UST: variants seen among roughly 807,000 people sequenced by gnomAD.
UST encodes the protein uronyl 2-sulfotransferase.
UST carries 21 observed loss-of-function variants against 45.6 expected under a neutral mutation model. The observed-to-expected ratio is 0.46, with a 90% CI of 0.33 to 0.66. The LOEUF is 0.66. UST is among the 30% of genes least tolerant of loss of function. UST has a pLI of 0.02. For missense variants in UST, 463 were observed against 512.4 expected (o/e 0.90, Z 0.93); for synonymous variants, 215 against 200.6 (o/e 1.07, Z -0.61).
At chr6:148,994,662 TTTCAC>T (rs1781416887) in intron 5 of UST, among the ~76,000 whole-genome samples, 1 of 152,134 alleles carries the variant, frequency 6.6e-6, no homozygotes, top group African/African-American at 2.4e-5. Flanking sequence ...TAGTCAAGAG[TTTCAC>T]TGTGGTCTTT....
At chr6:148,977,885 G>A (rs573180536) in intron 5 of UST, among the ~76,000 whole-genome samples, 3 of 152,200 alleles carry the variant, frequency 2.0e-5, no homozygotes, top group African/African-American at 2.4e-5. Flanking sequence ...GAGGATTGAC[G>A]TCTGTATGTG....
At position 148,928,768 on chromosome 6, in the gene UST, C is replaced by T. The variant is rs79577258; in HGVS notation, c.292-12511C>T. On this transcript the variant is annotated intron_variant, in intron 2 of 7. Transcript: ENST00000367463. ...GTAGGCAGTTAAGACATAATTTCAT[C>T]TGAGAGCAATTTAAATGTCTTATTG... is the stretch of plus-strand genomic sequence containing the variant. Among the ~76,000 whole-genome samples the T allele has an allele frequency of 2.8e-3, 432 of 152,372 alleles. 1 individual carries two copies. Among genetic ancestry groups the T allele is most frequent in the African/African-American group, 0.01 (416 of 41,590 alleles).
intron 1 of UST, among the ~76,000 whole-genome samples, chr6:148,838,370 G>A (rs1485121555): frequency 6.6e-6 from 1 of 152,208 alleles, no homozygotes; most frequent in East Asian, 1.9e-4. Context: ...GTCCAGATCA[G>A]CTAGGAATGT....
At chr6:149,073,777 A>T in intron 7 of UST, 56 bp from the exon 8 acceptor site, 2 of 1,575,220 alleles carry the variant, frequency 1.3e-6, no homozygotes, top group South Asian at 2.3e-5. Flanking sequence ...CCTCGCCGGG[A>T]TCCCTTCTAA....
intron 1 of UST, among the ~76,000 whole-genome samples, chr6:148,753,459 C>T (rs921747353): frequency 6.6e-6 from 1 of 152,146 alleles, no homozygotes; most frequent in Non-Finnish European, 1.5e-5. Context: ...TAGCATGTGT[C>T]AGTACTTCAT....
chr6:148,756,405 C>T (rs902690463), intron 1 of UST, among the ~76,000 whole-genome samples: 3 of 152,182 alleles, frequency 2.0e-5, no homozygotes, highest in African/African-American at 7.2e-5. Flanking sequence ...GTCCTTATAG[C>T]AGCATGAGAA....
At chr6:149,072,506 A>G (rs1186392725) in intron 7 of UST, among the ~76,000 whole-genome samples, 1 of 152,014 alleles carries the variant, frequency 6.6e-6, no homozygotes, top group Non-Finnish European at 1.5e-5. Context: ...ATACAAAATT[A>G]GCCAGGCATG....
At chr6:148,939,545 A>G (rs1424654406) in intron 2 of UST, among the ~76,000 whole-genome samples, 1 of 152,208 alleles carries the variant, frequency 6.6e-6, no homozygotes, top group Non-Finnish European at 1.5e-5. Flanking sequence ...AGAAATAATA[A>G]TGACCCCAAA....
At chr6:148,968,593 A>T (rs1227542467) in intron 5 of UST, among the ~76,000 whole-genome samples, 1 of 152,228 alleles carries the variant, frequency 6.6e-6, no homozygotes, top group Non-Finnish European at 1.5e-5. Context: ...AGGGTAGGGA[A>T]ATACCTGGCA....
Position 148,747,578 on chromosome 6 carries a change from T to C in UST, c.148T>C (p.Phe50Leu). The change falls in exon 1 of 8, where the codon TTC (phenylalanine) becomes CTC (leucine). Residue 50 changes from phenylalanine to leucine, a missense_variant. Transcript: ENST00000367463. ...FLRFSLRDYGFCMATLLVFCL... is the reference protein window; with the variant it reads ...FLRFSLRDYGLCMATLLVFCL... ...GCGCTTCTCCCTCCGGGACTACGGC[T>C]TCTGCATGGCCACCCTGCTGGTCTT... 6.3e-7 allele frequency: 1 copy of C among 1,590,444 alleles called. No individual in the cohort carries two copies. The highest frequency in any genetic ancestry group is 8.5e-7 in the Non-Finnish European group (1 of 1,169,968).
In UST at chr6:149,073,909, C is replaced by T; in HGVS notation, c.1014C>T (p.Tyr338=). Reference sequence around the variant, plus strand: ...CTCCTGAGGCTGTGCAGATCCTCTACCAGCGGATGAGATACGAGTACGAGT... The same window carrying T: ...CTCCTGAGGCTGTGCAGATCCTCTATCAGCGGATGAGATACGAGTACGAGT... ...VPSPEAVQIL[Y]QRMRYEYEFY... is the part of the protein sequence containing the mutation. Residue 338 remains tyrosine (Y), a synonymous_variant, in exon 8 of 8, where the codon TAC becomes TAT. Coordinates refer to ENST00000367463, the MANE Select transcript of UST (RefSeq NM_005715.3). 6.2e-7 allele frequency: 1 copy of T among 1,614,126 alleles called. No homozygotes were observed. The highest frequency in any genetic ancestry group is 8.5e-7 in the Non-Finnish European group (1 of 1,180,008).
chr6:148,941,799 C>T (rs1426577191), intron 3 of UST, among the ~76,000 whole-genome samples: 2 of 152,154 alleles, frequency 1.3e-5, no homozygotes, highest in Non-Finnish European at 1.5e-5. Flanking sequence ...ATATTCTTCC[C>T]TCTTCATTTT....
intron 4 of UST, among the ~76,000 whole-genome samples, chr6:148,962,806 C>T (rs1780691294): frequency 6.6e-6 from 1 of 152,186 alleles, no homozygotes; most frequent in African/African-American, 2.4e-5. Context: ...TTGGATTCTT[C>T]TCTCTGAAGA....
intron 7 of UST, among the ~76,000 whole-genome samples, chr6:149,061,748 G>A (rs563228970): frequency 5.9e-5 from 9 of 152,308 alleles, no homozygotes; most frequent in East Asian, 1.9e-4. Flanking sequence ...CCAAAAGCCC[G>A]GGCTAAGTTC....
chr6:148,813,183 T>C (rs1010523077), intron 1 of UST, among the ~76,000 whole-genome samples: 4 of 152,170 alleles, frequency 2.6e-5, no homozygotes, highest in Admixed American at 6.5e-5. Flanking sequence ...TTACAAAGCA[T>C]GTAGTTGCTA....
intron 7 of UST, among the ~76,000 whole-genome samples, chr6:149,068,258 C>G (rs943722153): frequency 6.6e-6 from 1 of 152,154 alleles, no homozygotes; most frequent in Non-Finnish European, 1.5e-5. Flanking sequence ...CACCAAGAAA[C>G]AACACAGCAA....
At chr6:148,890,566 C>T (rs1296416721) in intron 2 of UST, among the ~76,000 whole-genome samples, 1 of 152,142 alleles carries the variant, frequency 6.6e-6, no homozygotes, top group Admixed American at 6.5e-5. Flanking sequence ...CAGGCGAGTT[C>T]TCATTTTATT....
intron 1 of UST, among the ~76,000 whole-genome samples, chr6:148,832,229 G>A (rs2114760289): frequency 6.6e-6 from 1 of 152,296 alleles, no homozygotes; most frequent in African/African-American, 2.4e-5. Flanking sequence ...GACCTCAGGT[G>A]ATCCACCTGC....
At chr6:148,964,021 G>A (rs970711268) in intron 4 of UST, among the ~76,000 whole-genome samples, 2 of 152,200 alleles carry the variant, frequency 1.3e-5, no homozygotes, top group Admixed American at 6.5e-5. Flanking sequence ...AGGGCCAATT[G>A]TGTCCCTGTG....
Sources: gnomAD v4.1 joint callset for allele counts (sites outside exome capture counted in the v4.1 genomes callset) on GRCh38, gnomAD v4.1.1 for gene constraint, MANE v1.5 for transcripts, NCBI Gene and HGNC (gene_info 2026-07-23, HGNC 2026-07-21) for gene names.